CYP27A1: variants seen among roughly 807,000 people sequenced by gnomAD.
CYP27A1 encodes the protein cytochrome P450 family 27 subfamily A member 1, also known as sterol 26-hydroxylase, mitochondrial.
A neutral mutation model predicts 58.2 loss-of-function variants in CYP27A1; 46 were observed. The ratio of observed to expected loss-of-function variants is 0.79; its 90% CI spans 0.62 to 1.01. The LOEUF (loss-of-function observed/expected upper bound fraction) is 1.01. Ranked by LOEUF, CYP27A1 falls within the 50% of genes least tolerant of loss-of-function variation. The pLI, the probability that CYP27A1 is intolerant of heterozygous loss-of-function variation, is 0.00. For synonymous variants in CYP27A1, 274 were observed against 285.1 expected (o/e 0.96, Z 0.39); for missense variants, 704 against 687.0 (o/e 1.02, Z -0.28).
intron 1 of CYP27A1, among the ~76,000 whole-genome samples, chr2:218,786,153 C>T (rs1943438415): frequency 6.6e-6 from 1 of 152,328 alleles, no homozygotes; most frequent in East Asian, 1.9e-4. Context: ...TGTTTTTCTG[C>T]AGTTCCCTTG....
intron 1 of CYP27A1, among the ~76,000 whole-genome samples, chr2:218,796,257 G>T (rs1422256536): frequency 1.3e-5 from 2 of 152,132 alleles, no homozygotes; most frequent in Non-Finnish European, 2.9e-5. Context: ...AAAGAAAAAT[G>T]GATTCTTATT....
At chr2:218,807,592 C>G (rs540753127) in intron 1 of CYP27A1, among the ~76,000 whole-genome samples, 27 of 152,242 alleles carry the variant, frequency 1.8e-4, no homozygotes, top group African/African-American at 5.5e-4. Flanking sequence ...CTCCGCTGCT[C>G]CCCTGACCCT....
chr2:218,812,790 G>T, intron 4 of CYP27A1, 41 bp downstream of exon 4: 1 of 1,609,706 alleles, frequency 6.2e-7, no homozygotes, highest in African/African-American at 1.3e-5. Context: ...AGAGATGGGG[G>T]TGACTCCAGG....
intron 1 of CYP27A1, among the ~76,000 whole-genome samples, chr2:218,799,058 G>A (rs528962786): frequency 3.3e-5 from 5 of 152,318 alleles, no homozygotes; most frequent in Non-Finnish European, 2.9e-5. Flanking sequence ...TCAGATTCAA[G>A]ATTGGATTAT....
chr2:218,782,197 C>T lies in CYP27A1; in HGVS notation c.15C>T (p.Gly5=), dbSNP rs1943396825. The change falls in exon 1 of 9, where the codon GGC becomes GGT. Residue 5 remains glycine (G), a synonymous_variant. Transcript: ENST00000258415. This position sits in a 1 kb window ranked among gnomAD's most constrained non-coding sequence, Gnocchi z 4.1. MAAL[G]CARLRWALRG... ...GAGCACAACCCATGGCTGCGCTGGG[C>T]TGCGCGAGGCTGAGGTGGGCGCTGC... The T allele has an allele frequency of 6.5e-7, 1 of 1,537,704 alleles. No individual in the cohort carries two copies. Among genetic ancestry groups the T allele is most frequent in the Non-Finnish European group, 8.7e-7 (1 of 1,146,000 alleles).
At chr2:218,810,215 G>T (rs978483280) in intron 2 of CYP27A1, among the ~76,000 whole-genome samples, 6 of 151,962 alleles carry the variant, frequency 3.9e-5, no homozygotes, top group African/African-American at 1.5e-4. Context: ...GGAGGTGGAG[G>T]TTGCAGTGAG....
At chr2:218,812,194 T>C (rs988868862) in intron 2 of CYP27A1, 28 bp from the exon 3 acceptor site, 17 of 1,594,334 alleles carry the variant, frequency 1.1e-5, no homozygotes, top group Non-Finnish European at 1.4e-5. Flanking sequence ...GAGGCTTATC[T>C]TTGTGCTGTT....
intron 3 of CYP27A1, 58 bp downstream of exon 3, chr2:218,812,479 C>T (rs1308756189): frequency 5.6e-6 from 9 of 1,611,672 alleles, no homozygotes; most frequent in Non-Finnish European, 7.6e-6. Flanking sequence ...GGTTGTGCTC[C>T]CTCTCCTCAA....
intron 1 of CYP27A1, among the ~76,000 whole-genome samples, chr2:218,790,945 C>T (rs1002204919): frequency 1.3e-5 from 2 of 151,218 alleles, no homozygotes; most frequent in Non-Finnish European, 2.9e-5. Flanking sequence ...TCGTGATCTG[C>T]CTGCCTCAGC....
chr2:218,811,318 A>G (rs750430949), intron 2 of CYP27A1, among the ~76,000 whole-genome samples: 1 of 152,166 alleles, frequency 6.6e-6, no homozygotes, highest in Non-Finnish European at 1.5e-5. Flanking sequence ...GGAGCATGCA[A>G]ATATACATGT....
At chr2:218,786,486 T>C (rs1435568512) in intron 1 of CYP27A1, among the ~76,000 whole-genome samples, 1 of 152,228 alleles carries the variant, frequency 6.6e-6, no homozygotes, top group African/African-American at 2.4e-5. Flanking sequence ...TGGTAGGAAT[T>C]AGGACATGTA....
chr2:218,800,634 A>G (rs1943591127), intron 1 of CYP27A1, among the ~76,000 whole-genome samples: 1 of 152,228 alleles, frequency 6.6e-6, no homozygotes, highest in Non-Finnish European at 1.5e-5. Context: ...ATGAGAAAAT[A>G]TAAAGAAACA....
chr2:218,811,665 C>G (rs1318497331), intron 2 of CYP27A1, among the ~76,000 whole-genome samples: 1 of 152,212 alleles, frequency 6.6e-6, no homozygotes, highest in African/African-American at 2.4e-5. Flanking sequence ...CTGAGCCAAG[C>G]AGAGCATGAA....
At position 218,797,510 on chromosome 2, in the gene CYP27A1, C is replaced by G. The variant is rs574873553; in HGVS notation, c.256-12067C>G. Among the ~76,000 whole-genome samples, 52 of 152,318 alleles carry G rather than the reference C, an allele frequency of 3.4e-4. No individual in the cohort carries two copies. The South Asian group carries it at 8.5e-3, about 25-fold the overall frequency. The stretch of plus-strand genomic sequence containing the variant: ...AAGGTATAACCTAAAGAAGATCGAA[C>G]ACCATTTTGGCAATCTCTAAACATG... On this transcript the variant is annotated intron_variant, in intron 1 of 8. Transcript: ENST00000258415.
intron 1 of CYP27A1, among the ~76,000 whole-genome samples, chr2:218,801,521 A>T (rs1456976981): frequency 6.6e-6 from 1 of 152,026 alleles, no homozygotes; most frequent in African/African-American, 2.4e-5. Context: ...AAACCCAAAA[A>T]ACAAAAACAA....
chr2:218,801,303 G>A lies in CYP27A1; in HGVS notation c.256-8274G>A, dbSNP rs1223007313. Among the ~76,000 whole-genome samples the A allele has an allele frequency of 2.0e-5, 3 of 152,034 alleles. No individual in the cohort carries two copies. The East Asian group carries it at 5.8e-4, about 29-fold the overall frequency. On this transcript the variant is annotated intron_variant, in intron 1 of 8. Transcript: ENST00000258415. ...GTGGATCACGTGAGGTCAGGAGTTC[G>A]AGACCAGCCTGGCCAACATGGTGAA...
chr2:218,797,372 T>C (rs1943557554), intron 1 of CYP27A1, among the ~76,000 whole-genome samples: 1 of 152,194 alleles, frequency 6.6e-6, no homozygotes, highest in Non-Finnish European at 1.5e-5. Context: ...AGTGCAAGGA[T>C]TACAGGCACG....
chr2:218,810,765 T>C (rs1235030824), intron 2 of CYP27A1, among the ~76,000 whole-genome samples: 1 of 152,192 alleles, frequency 6.6e-6, no homozygotes, highest in African/African-American at 2.4e-5. Context: ...AGCAACACTT[T>C]CAGTTTATCT....
Position 218,814,717 on chromosome 2 carries a change from G to A in CYP27A1, c.1436G>A (p.Arg479His), listed in dbSNP as rs199638075. Residue 479 changes from arginine to histidine, a missense_variant, in exon 8 of 9, where the codon CGC becomes CAC. Arg to His is a conservative substitution (Grantham distance 29). Coordinates refer to ENST00000258415, the MANE Select transcript of CYP27A1 (RefSeq NM_000784.4). ...TATGGGGTCCGGGCCTGCCTGGGCC[G>A]CAGGATTGCAGAGCTGGAGATGCAG... ...FGYGVRACLG[R>H]RIAELEMQLL... 9.4e-5 allele frequency: 152 copies of A among 1,614,162 alleles called. No homozygotes were observed. Among genetic ancestry groups the A allele is most frequent in the South Asian group, 2.0e-4 (18 of 91,082 alleles).
Sources: gnomAD v4.1 joint callset for allele counts (sites outside exome capture counted in the v4.1 genomes callset) on GRCh38, gnomAD v4.1.1 for gene constraint, Gnocchi (gnomAD v3.1) non-coding constraint, MANE v1.5 for transcripts, NCBI Gene and HGNC (gene_info 2026-07-23, HGNC 2026-07-21) for gene names.